The following TSPAN14 variants were observed in gnomAD, a reference collection of about 807,000 sequenced individuals.
The protein encoded by TSPAN14 is tetraspanin-14.
A neutral mutation model predicts 36.6 loss-of-function variants in TSPAN14; 16 were observed. The observed-to-expected ratio is 0.44, with a 90% CI of 0.30 to 0.66. The LOEUF (loss-of-function observed/expected upper bound fraction) is 0.66, where lower values mean the gene tolerates loss of function less well. Among genes scored for constraint, TSPAN14 ranks in the 30% least tolerant of loss-of-function variants. TSPAN14 has a pLI of 0.12. For missense variants in TSPAN14, 231 were observed against 355.1 expected (o/e 0.65, Z 2.81); for synonymous variants, 139 against 143.8 (o/e 0.97, Z 0.24).
At chr10:80,467,341 T>C (rs1480202361) in intron 1 of TSPAN14, among the ~76,000 whole-genome samples, 1 of 152,186 alleles carries the variant, frequency 6.6e-6, no homozygotes, top group Non-Finnish European at 1.5e-5. Flanking sequence ...TTACAGGTTG[T>C]TGGACCCAAA....
chr10:80,487,177 C>T (rs1847653899), intron 1 of TSPAN14, among the ~76,000 whole-genome samples: 1 of 152,222 alleles, frequency 6.6e-6, no homozygotes, highest in South Asian at 2.1e-4. Context: ...CGGAGCCCCT[C>T]TCTGCGAATC....
chr10:80,485,644 A>T, intron 1 of TSPAN14: 1 of 985,436 alleles, frequency 1.0e-6, no homozygotes, highest in Non-Finnish European at 1.2e-6. Flanking sequence ...AGCCCCACAG[A>T]GGGTCAGGAC....
At chr10:80,516,538 G>A (rs1017685633) in intron 8 of TSPAN14, among the ~76,000 whole-genome samples, 1 of 152,204 alleles carries the variant, frequency 6.6e-6, no homozygotes, top group Non-Finnish European at 1.5e-5. Context: ...TACCTATAGG[G>A]GGGCCCTCTG....
At chr10:80,499,636 G>A (rs1344024340) in intron 2 of TSPAN14, among the ~76,000 whole-genome samples, 4 of 152,202 alleles carry the variant, frequency 2.6e-5, no homozygotes, top group Non-Finnish European at 4.4e-5. Flanking sequence ...CCAGCTAGCC[G>A]TGTGACCTTG....
At chr10:80,457,394 G>A (rs968376135) in intron 1 of TSPAN14, among the ~76,000 whole-genome samples, 1 of 152,044 alleles carries the variant, frequency 6.6e-6, no homozygotes, top group Non-Finnish European at 1.5e-5. Context: ...TCACCATGTT[G>A]GCCAGGCTGG....
intron 1 of TSPAN14, among the ~76,000 whole-genome samples, chr10:80,467,739 C>G (rs74143135): frequency 0.031 from 4,765 of 152,178 alleles, 187 homozygotes; most frequent in East Asian, 0.087. Context: ...CTGTAGTTTT[C>G]AAGTGGAAAC....
intron 5 of TSPAN14, among the ~76,000 whole-genome samples, chr10:80,511,125 G>GT (rs928672352): frequency 6.6e-6 from 1 of 152,176 alleles, no homozygotes; most frequent in Non-Finnish European, 1.5e-5. Flanking sequence ...ATGCAAAGAA[G>GT]TTTTTTAGGG....
chr10:80,506,705 G>T (rs1840324690), intron 3 of TSPAN14, among the ~76,000 whole-genome samples: 1 of 152,250 alleles, frequency 6.6e-6, no homozygotes. Flanking sequence ...CCTGTGGCCA[G>T]ACAGTGGGGG....
At chr10:80,517,192 C>A (rs1840983905) in intron 8 of TSPAN14, among the ~76,000 whole-genome samples, 1 of 152,130 alleles carries the variant, frequency 6.6e-6, no homozygotes, top group African/African-American at 2.4e-5. Context: ...CCCACACATG[C>A]CTTCCTCCTT....
intron 1 of TSPAN14, among the ~76,000 whole-genome samples, chr10:80,481,525 G>A (rs1307723854): frequency 6.6e-6 from 1 of 152,192 alleles, no homozygotes; most frequent in Non-Finnish European, 1.5e-5. Context: ...AGCCAGCACT[G>A]CAGTTTAATT....
At chr10:80,503,185 G>C (rs1848620160) in intron 2 of TSPAN14, among the ~76,000 whole-genome samples, 1 of 152,136 alleles carries the variant, frequency 6.6e-6, no homozygotes, top group Non-Finnish European at 1.5e-5. Context: ...CAGCATGCCA[G>C]TGTAAGACAC....
chr10:80,461,068 A>G (rs1398603943), intron 1 of TSPAN14, among the ~76,000 whole-genome samples: 3 of 152,086 alleles, frequency 2.0e-5, no homozygotes, highest in Non-Finnish European at 4.4e-5. Flanking sequence ...TCTGAGGCCT[A>G]CAAGTCCCTG....
intron 1 of TSPAN14, among the ~76,000 whole-genome samples, chr10:80,480,231 A>G (rs933399404): frequency 6.6e-6 from 1 of 151,002 alleles, no homozygotes; most frequent in Admixed American, 6.6e-5. Flanking sequence ...CAATCATGTC[A>G]TCTGCAAACA....
chr10:80,517,919 C>A, exon 9 of TSPAN14: 7 of 1,565,840 alleles, frequency 4.5e-6, no homozygotes, highest in Non-Finnish European at 6.1e-6. Flanking sequence ...TTGGCATCTT[C>A]CTGGCAAGGA....
chr10:80,506,225 G>A (rs1166431891), intron 3 of TSPAN14, among the ~76,000 whole-genome samples: 3 of 152,156 alleles, frequency 2.0e-5, no homozygotes, highest in Admixed American at 6.5e-5. Flanking sequence ...TGCCCTCCTC[G>A]GCCTCCCAAA....
exon 4 of TSPAN14, chr10:80,507,283 T>G: frequency 6.2e-7 from 1 of 1,614,202 alleles, no homozygotes; most frequent in Non-Finnish European, 8.5e-7. Context: ...GACCCTGTGG[T>G]GCTGGTCCTG....
intron 8 of TSPAN14, among the ~76,000 whole-genome samples, chr10:80,516,771 C>T (rs1840963452): frequency 6.6e-6 from 1 of 152,220 alleles, no homozygotes; most frequent in Admixed American, 6.5e-5. Flanking sequence ...GCCCCAGGAC[C>T]TCTCCTCCTG....
At chr10:80,478,829 CTGGCCAACA>C (rs1341699081) in intron 1 of TSPAN14, among the ~76,000 whole-genome samples, 1 of 152,202 alleles carries the variant, frequency 6.6e-6, no homozygotes, top group Non-Finnish European at 1.5e-5. Context: ...CGAGACCAGC[CTGGCCAACA>C]TGGCAAAACC....
In TSPAN14 at chr10:80,500,166, A is replaced by C. The variant is rs529265233; in HGVS notation, c.82-4562A>C. ...CCTCAATCTCCTGGTCTCTGAAACC[A>C]GGTTTGTTGGTACTCAGAGTTCCTG... On this transcript the variant is annotated intron_variant, in intron 2 of 8. Coordinates refer to ENST00000429989, the Ensembl canonical transcript of TSPAN14. Among the ~76,000 whole-genome samples, 163 of 152,200 alleles carry C rather than the reference A, an allele frequency of 1.1e-3. 1 individual carries two copies. Among genetic ancestry groups the C allele is most frequent in the African/African-American group, 2.9e-3 (119 of 41,530 alleles).
Sources: gnomAD v4.1 joint callset for allele counts (sites outside exome capture counted in the v4.1 genomes callset) on GRCh38, gnomAD v4.1.1 for gene constraint, MANE v1.5 for transcripts, NCBI Gene and HGNC (gene_info 2026-07-23, HGNC 2026-07-21) for gene names.